Variants in MAGI2 observed in about 807,000 individuals in gnomAD.
MAGI2 encodes membrane associated guanylate kinase, WW and PDZ domain containing 2.
MAGI2 carries 35 observed loss-of-function variants against 133.3 expected under a neutral mutation model. The ratio of observed to expected loss-of-function variants is 0.26; its 90% confidence interval spans 0.20 to 0.35. The LOEUF (loss-of-function observed/expected upper bound fraction) is 0.35, where lower values mean the gene tolerates loss of function less well. MAGI2 is among the 10% of genes least tolerant of loss of function. The probability of loss-of-function intolerance (pLI) is 1.00; values close to 1 mark genes in which losing one functional copy is unlikely to be tolerated. For missense variants in MAGI2, 1,636 were observed against 1,863.4 expected (o/e 0.88, Z 2.25); for synonymous variants, 729 against 710.6 (o/e 1.03, Z -0.41).
intron 2 of MAGI2, among the ~76,000 whole-genome samples, chr7:78,945,690 C>T (rs760614232): frequency 5.3e-5 from 8 of 152,040 alleles, no homozygotes; most frequent in Non-Finnish European, 8.8e-5. Flanking sequence ...ATGAAATTTC[C>T]CATCCTTAAC....
At chr7:78,810,884 C>T (rs2151406565) in intron 2 of MAGI2, among the ~76,000 whole-genome samples, 1 of 152,104 alleles carries the variant, frequency 6.6e-6, no homozygotes, top group East Asian at 1.9e-4. Flanking sequence ...TAATAACTGA[C>T]ATGAGCTTTA....
At chr7:78,780,112 C>A (rs779860288) in intron 2 of MAGI2, among the ~76,000 whole-genome samples, 3 of 152,160 alleles carry the variant, frequency 2.0e-5, no homozygotes, top group East Asian at 1.9e-4. Flanking sequence ...GAAAAGAATG[C>A]GTGTTATGAC....
At chr7:78,993,245 A>G (rs1267290575) in intron 2 of MAGI2, among the ~76,000 whole-genome samples, 1 of 152,100 alleles carries the variant, frequency 6.6e-6, no homozygotes, top group East Asian at 1.9e-4. Flanking sequence ...GTATAAGTAG[A>G]AAAGTAAAAA....
chr7:78,586,360 C>A (rs552025445), intron 3 of MAGI2, among the ~76,000 whole-genome samples: 1 of 151,732 alleles, frequency 6.6e-6, no homozygotes, highest in African/African-American at 2.4e-5. Context: ...AGAGTCCCCC[C>A]CAAACACCCC....
rs542624585 is a variant in MAGI2, at chr7:79,154,033, C to A, written c.302-146827G>T. ...TTCCATTTTGAATTTTAATTTCTAG[C>A]TGTATATTCCTTTTTTGGAACCTTT... On this transcript the variant is annotated intron_variant, in intron 1 of 21. Transcript: ENST00000354212. 2.0e-5 allele frequency among the ~76,000 whole-genome samples: 3 copies of A among 152,186 alleles called. No individual in the cohort carries two copies. In the East Asian group the frequency reaches 5.8e-4, roughly 29 times the overall value.
chr7:78,729,230 A>T (rs1821132110), intron 2 of MAGI2, among the ~76,000 whole-genome samples: 2 of 152,234 alleles, frequency 1.3e-5, no homozygotes, highest in East Asian at 1.9e-4. Context: ...CAAGAAAAAA[A>T]GTGAGGATTA....
chr7:78,667,390 A>C (rs922559811), intron 2 of MAGI2, among the ~76,000 whole-genome samples: 1 of 151,286 alleles, frequency 6.6e-6, no homozygotes, highest in Non-Finnish European at 1.5e-5. Flanking sequence ...ATTTTTTAAA[A>C]AATTTTATTA....
intron 1 of MAGI2, among the ~76,000 whole-genome samples, chr7:79,174,703 AAG>A (rs1825938667): frequency 1.3e-5 from 2 of 151,178 alleles, no homozygotes; most frequent in Admixed American, 6.6e-5. Flanking sequence ...TTTTTAAAAA[AAG>A]AAATAAATTA....
chr7:78,890,623 G>A (rs1796662433), intron 2 of MAGI2, among the ~76,000 whole-genome samples: 1 of 152,142 alleles, frequency 6.6e-6, no homozygotes, highest in African/African-American at 2.4e-5. Flanking sequence ...GCTCCTGAAT[G>A]ACTACTGGGA....
At chr7:79,256,486 C>CTTTTTTTTTTTTTTTTTT (rs11303181) in intron 1 of MAGI2, among the ~76,000 whole-genome samples, 1 of 82,774 alleles carries the variant, frequency 1.2e-5, no homozygotes, top group Non-Finnish European at 2.3e-5. Flanking sequence ...CTCTCTCTCT[C>CTTTTTTTTTTTTTTTTTT]TTTTTTTTTT....
At chr7:78,715,847 A>ATTTCGTATTTTGTATTTTGT (rs59543870) in intron 2 of MAGI2, among the ~76,000 whole-genome samples, 5 of 151,296 alleles carry the variant, frequency 3.3e-5, no homozygotes, top group Non-Finnish European at 7.4e-5. Context: ...ATAAATACAA[A>ATTTCGTATTTTGTATTTTGT]ATATAAGTCC....
chr7:79,125,030 C>G, intron 1 of MAGI2: 1 of 235,446 alleles, frequency 4.2e-6, no homozygotes, highest in Non-Finnish European at 8.5e-6. Context: ...AAACCAGGTA[C>G]CCACCCAACT....
chr7:78,463,325 A>G (rs918816258), intron 6 of MAGI2, among the ~76,000 whole-genome samples: 4 of 152,232 alleles, frequency 2.6e-5, no homozygotes, highest in African/African-American at 9.6e-5. Flanking sequence ...AGACAGTGAG[A>G]TGATCCAAGA....
intron 2 of MAGI2, among the ~76,000 whole-genome samples, chr7:78,926,977 T>C (rs1799745727): frequency 6.6e-6 from 1 of 152,050 alleles, no homozygotes; most frequent in African/African-American, 2.4e-5. Context: ...GTACCACTAA[T>C]GAAGACAATA....
chr7:78,786,416 T>C (rs1826824583), intron 2 of MAGI2, among the ~76,000 whole-genome samples: 1 of 152,192 alleles, frequency 6.6e-6, no homozygotes, highest in African/African-American at 2.4e-5. Flanking sequence ...CCCAAAGAGT[T>C]CCTATTTCAT....
chr7:79,444,948 T>G (rs1454587848), intron 1 of MAGI2, among the ~76,000 whole-genome samples: 3 of 152,160 alleles, frequency 2.0e-5, no homozygotes, highest in Non-Finnish European at 1.5e-5. Flanking sequence ...AACAGCATGG[T>G]ACTGGTACCA....
At chr7:78,579,856 C>T (rs1047275055) in intron 3 of MAGI2, among the ~76,000 whole-genome samples, 1 of 152,056 alleles carries the variant, frequency 6.6e-6, no homozygotes, top group African/African-American at 2.4e-5. Context: ...GTTACTCTTC[C>T]CTACACTAGT....
chr7:78,843,780 CT>C (rs1261101710), intron 2 of MAGI2, among the ~76,000 whole-genome samples: 12 of 151,064 alleles, frequency 7.9e-5, no homozygotes, highest in Non-Finnish European at 1.6e-4. Flanking sequence ...TCAGAGGGTA[CT>C]TTTTCTCATT....
intron 2 of MAGI2, among the ~76,000 whole-genome samples, chr7:78,913,148 G>C (rs1050275970): frequency 4.6e-5 from 7 of 152,028 alleles, no homozygotes; most frequent in African/African-American, 1.7e-4. Context: ...ATATTAGCTA[G>C]AAGAAAATTG....
Sources: gnomAD v4.1 joint callset for allele counts (sites outside exome capture counted in the v4.1 genomes callset) on GRCh38, gnomAD v4.1.1 for gene constraint, MANE v1.5 for transcripts, NCBI Gene and HGNC (gene_info 2026-07-23, HGNC 2026-07-21) for gene names.